Variants in ZFAND3 observed in about 807,000 individuals in gnomAD.
The protein encoded by ZFAND3 is AN1-type zinc finger protein 3.
In ZFAND3, 10 loss-of-function variants were observed where a neutral mutation model predicts 29.6. That is an observed-to-expected ratio of 0.34 (90% confidence interval 0.21 to 0.57). The LOEUF is 0.57. ZFAND3 is among the 20% of genes least tolerant of loss of function. The probability of loss-of-function intolerance (pLI) is 0.86; values close to 1 mark genes in which losing one functional copy is unlikely to be tolerated. For missense variants in ZFAND3, 230 were observed against 304.5 expected (o/e 0.76, Z 1.82); for synonymous variants, 128 against 112.6 (o/e 1.14, Z -0.87).
intron 2 of ZFAND3, among the ~76,000 whole-genome samples, chr6:37,982,908 A>G (rs989577412): frequency 6.6e-6 from 1 of 152,216 alleles, no homozygotes; most frequent in Non-Finnish European, 1.5e-5. Context: ...AGTGATGCTG[A>G]TGATCCTTAC....
intron 1 of ZFAND3, among the ~76,000 whole-genome samples, chr6:37,874,568 T>A (rs1464660771): frequency 6.6e-6 from 1 of 151,984 alleles, no homozygotes; most frequent in Non-Finnish European, 1.5e-5. Flanking sequence ...CCAGTCATAT[T>A]GGATTAGGGC....
chr6:37,880,450 C>G (rs1264511801), intron 1 of ZFAND3, among the ~76,000 whole-genome samples: 1 of 152,196 alleles, frequency 6.6e-6, no homozygotes, highest in Non-Finnish European at 1.5e-5. Flanking sequence ...CAGTGAGAAT[C>G]TTTCACCAGA....
At chr6:37,968,971 TGAGTGAACTTCCTA>T (rs766349277) in intron 2 of ZFAND3, among the ~76,000 whole-genome samples, 2 of 152,252 alleles carry the variant, frequency 1.3e-5, no homozygotes, top group South Asian at 2.1e-4. Context: ...GGATATGTTC[TGAGTGAACTTCCTA>T]GAGTGAACTT....
At chr6:37,925,190 C>T (rs1306174308) in intron 1 of ZFAND3, among the ~76,000 whole-genome samples, 1 of 151,880 alleles carries the variant, frequency 6.6e-6, no homozygotes, top group Admixed American at 6.6e-5. Context: ...TAAAAGATGA[C>T]CATAGCTGCT....
chr6:38,048,813 T>C (rs1203125153), intron 2 of ZFAND3, among the ~76,000 whole-genome samples: 1 of 152,048 alleles, frequency 6.6e-6, no homozygotes, highest in Non-Finnish European at 1.5e-5. Context: ...ATTCTTTGTG[T>C]ATTATACCTC....
chr6:37,858,768 A>G (rs953581273), intron 1 of ZFAND3, among the ~76,000 whole-genome samples: 5 of 152,196 alleles, frequency 3.3e-5, no homozygotes, highest in Admixed American at 3.3e-4. Context: ...GTTTTTAAAA[A>G]CAATTTTTGG....
At chr6:37,857,617 G>A (rs754464419) in intron 1 of ZFAND3, among the ~76,000 whole-genome samples, 2 of 152,206 alleles carry the variant, frequency 1.3e-5, no homozygotes. Flanking sequence ...GAGTAAAGGA[G>A]TTTCATTTTC....
chr6:37,947,566 A>G (rs990750824), intron 2 of ZFAND3, among the ~76,000 whole-genome samples: 12 of 152,210 alleles, frequency 7.9e-5, no homozygotes, highest in Non-Finnish European at 1.8e-4. Flanking sequence ...AAAATATTAC[A>G]TGTAACAAAA....
chr6:37,949,050 C>T (rs1761950487), intron 2 of ZFAND3, among the ~76,000 whole-genome samples: 1 of 152,146 alleles, frequency 6.6e-6, no homozygotes, highest in African/African-American at 2.4e-5. Context: ...CTGCTTTCTT[C>T]AGTGGCGGTA....
intron 4 of ZFAND3, among the ~76,000 whole-genome samples, chr6:38,093,625 A>G (rs1213516018): frequency 6.6e-6 from 1 of 152,186 alleles, no homozygotes; most frequent in African/African-American, 2.4e-5. Context: ...ATGCATGAGA[A>G]GAGGGATCAG....
At chr6:37,991,534 G>A (rs776249977) in intron 2 of ZFAND3, among the ~76,000 whole-genome samples, 17 of 152,004 alleles carry the variant, frequency 1.1e-4, no homozygotes, top group Non-Finnish European at 2.2e-4. Context: ...TGTATTTTTA[G>A]TAGAAATGGG....
chr6:38,112,940 T>C (rs1174162920), intron 4 of ZFAND3, among the ~76,000 whole-genome samples: 1 of 152,212 alleles, frequency 6.6e-6, no homozygotes, highest in Non-Finnish European at 1.5e-5. Context: ...TGCCGGAGAA[T>C]GGTTTGCTTC....
At position 37,853,893 on chromosome 6, in the gene ZFAND3, T is replaced by C. The variant is rs370145175; in HGVS notation, c.71+33877T>C. ...TTGTATTTTCTGATTATAATAAGAA[T>C]GTATTTTTAGTACAGAAAACTGAAA... On this transcript the variant is annotated intron_variant, in intron 1 of 5. Coordinates refer to ENST00000287218, the MANE Select transcript of ZFAND3 (RefSeq NM_021943.3). Among the ~76,000 whole-genome samples, 9 of 152,346 alleles carry C rather than the reference T, an allele frequency of 5.9e-5. No individual in the cohort carries two copies. In the South Asian group the frequency reaches 1.0e-3, roughly 18 times the overall value.
chr6:37,896,546 C>CTT (rs1554153831), intron 1 of ZFAND3, among the ~76,000 whole-genome samples: 2 of 124,782 alleles, frequency 1.6e-5, no homozygotes, highest in African/African-American at 3.6e-5. Context: ...TTCTTTCTTT[C>CTT]TTTCTTTCTT....
intron 2 of ZFAND3, among the ~76,000 whole-genome samples, chr6:37,939,622 C>T (rs548045570): frequency 6.6e-6 from 1 of 152,316 alleles, no homozygotes; most frequent in East Asian, 1.9e-4. Flanking sequence ...GATGTGCACT[C>T]AAATTTTATG....
intron 4 of ZFAND3, among the ~76,000 whole-genome samples, chr6:38,096,051 C>T (rs1581913599): frequency 6.6e-6 from 1 of 152,104 alleles, no homozygotes. Flanking sequence ...AAAGTAATTG[C>T]ATTCTTGTCT....
At chr6:38,129,943 A>G (rs895107992) in intron 5 of ZFAND3, among the ~76,000 whole-genome samples, 1 of 152,098 alleles carries the variant, frequency 6.6e-6, no homozygotes, top group Non-Finnish European at 1.5e-5. Flanking sequence ...GATTCTACCC[A>G]TCCATGAGCA....
chr6:37,834,214 A>C (rs1246186600), intron 1 of ZFAND3, among the ~76,000 whole-genome samples: 3 of 152,140 alleles, frequency 2.0e-5, no homozygotes, highest in Non-Finnish European at 4.4e-5. Flanking sequence ...TGTCTCCCTA[A>C]TTTTGGCTTT....
intron 1 of ZFAND3, among the ~76,000 whole-genome samples, chr6:37,873,394 G>A (rs1764733387): frequency 6.6e-6 from 1 of 152,246 alleles, no homozygotes; most frequent in African/African-American, 2.4e-5. Flanking sequence ...GGTAAACACA[G>A]CCCTAATTCA....
Sources: allele counts gnomAD v4.1 joint callset (sites outside exome capture counted in the v4.1 genomes callset), GRCh38; gene constraint gnomAD v4.1.1; transcripts MANE v1.5; gene names NCBI Gene and HGNC (gene_info 2026-07-23, HGNC 2026-07-21).